The following RPRD2 variants were observed in gnomAD, a reference collection of about 807,000 sequenced individuals.
The protein encoded by RPRD2 is regulation of nuclear pre-mRNA domain containing 2, also known as regulation of nuclear pre-mRNA domain-containing protein 2.
A neutral mutation model predicts 104.4 loss-of-function variants in RPRD2; 12 were observed. That is an observed-to-expected ratio of 0.11 (90% CI 0.07 to 0.19). The LOEUF (loss-of-function observed/expected upper bound fraction) is 0.19. Among genes scored for constraint, RPRD2 ranks in the 10% least tolerant of loss-of-function variants. The probability of loss-of-function intolerance (pLI) is 1.00; values close to 1 mark genes in which losing one functional copy is unlikely to be tolerated. For synonymous variants in RPRD2, 714 were observed against 684.9 expected (o/e 1.04, Z -0.66); for missense variants, 1,543 against 1,790.1 (o/e 0.86, Z 2.49).
rs782727680 is a variant in RPRD2 at position 150,457,439 on chromosome 1, T to TTCC, written c.1022_1023insTCC (p.Met341delinsIlePro). 3.1e-6 allele frequency: 5 copies of TTCC among 1,613,872 alleles called. No homozygotes were observed. The South Asian group carries it at 5.5e-5, about 18-fold the overall frequency. On this transcript the variant is annotated protein_altering_variant, in exon 8 of 11. Transcript: ENST00000369068. ...GGTTCTGAGTCTCCTTTTCAGGGAA[T>TTCC]GGGAGGTGAGGAATCCCAGTCACCA...
At chr1:150,429,424 G>A (rs1183303230) in intron 2 of RPRD2, among the ~76,000 whole-genome samples, 5 of 151,858 alleles carry the variant, frequency 3.3e-5, no homozygotes, top group Non-Finnish European at 2.9e-5. Context: ...GCACGATCAC[G>A]GCTCACTGCA....
intron 7 of RPRD2, among the ~76,000 whole-genome samples, chr1:150,448,460 C>T (rs1553895972): frequency 6.6e-6 from 1 of 152,164 alleles, no homozygotes; most frequent in East Asian, 1.9e-4. Context: ...TCAGCCACCA[C>T]ACCCAGCCAA....
intron 10 of RPRD2, among the ~76,000 whole-genome samples, chr1:150,465,587 C>T (rs1017509679): frequency 6.6e-5 from 10 of 152,100 alleles, no homozygotes; most frequent in African/African-American, 2.4e-4. Context: ...TCTGTCTATT[C>T]AGTATGAGCC....
intron 2 of RPRD2, among the ~76,000 whole-genome samples, chr1:150,435,883 G>A (rs587660748): frequency 1.7e-4 from 26 of 152,274 alleles, no homozygotes; most frequent in African/African-American, 5.1e-4. Flanking sequence ...CTAGAAGGAA[G>A]TCAGTCCTTG....
chr1:150,426,885 G>A (rs587625065), intron 2 of RPRD2, among the ~76,000 whole-genome samples: 3 of 152,192 alleles, frequency 2.0e-5, no homozygotes, highest in African/African-American at 4.8e-5. Flanking sequence ...TATGGCTCGC[G>A]CCTGTAATCC....
At chr1:150,459,945 C>A in intron 8 of RPRD2, 115 bp from the exon 9 acceptor site, 589 of 796,966 alleles carry the variant, frequency 7.4e-4, no homozygotes, top group East Asian at 1.1e-3. Context: ...TCGTTGTTTT[C>A]TCTAAAGTAG....
intron 7 of RPRD2, among the ~76,000 whole-genome samples, chr1:150,452,750 A>C (rs1553896907): frequency 4.3e-5 from 6 of 140,498 alleles, no homozygotes; most frequent in Non-Finnish European, 9.0e-5. Flanking sequence ...GGCTCACTGC[A>C]ACCTCCGCCT....
rs775983652 is a variant in RPRD2 at position 150,472,785 on chromosome 1, TAGC to T, written c.3843_3845del (p.Ser1282del). 3.6e-5 allele frequency: 58 copies of T among 1,609,272 alleles called. No individual in the cohort carries two copies. In the African/African-American group the frequency reaches 3.7e-4, roughly 10 times the overall value. On this transcript the variant is annotated inframe_deletion, in exon 11 of 11. Coordinates refer to ENST00000369068, the MANE Select transcript of RPRD2 (RefSeq NM_015203.5). ...CTCCTCCTCCCCCTCCTGGGGAACA[TAGC>T]AGCAGTGGTGGGAGTGGTGTCCCCT...
In RPRD2 at chr1:150,397,976, C is replaced by T. The variant is rs369739215; in HGVS notation, c.206-19620C>T. Among the ~76,000 whole-genome samples, 97 of 151,860 alleles carry T rather than the reference C, an allele frequency of 6.4e-4. 2 individuals carry two copies. In the South Asian group the frequency reaches 0.019, roughly 30 times the overall value. ...GCAACACACAAACATTTCTTAACAG[C>T]ATCTTTAATTGTATTTATTTATTTA... On this transcript the variant is annotated intron_variant, in intron 1 of 10. Coordinates refer to ENST00000369068, the MANE Select transcript of RPRD2 (RefSeq NM_015203.5).
chr1:150,388,522 C>CACACACAT (rs368120543), intron 1 of RPRD2, among the ~76,000 whole-genome samples: 102 of 144,454 alleles, frequency 7.1e-4, no homozygotes, highest in Non-Finnish European at 6.3e-4. Flanking sequence ...CACACACACA[C>CACACACAT]ATATATACAC....
chr1:150,414,968 A>G (rs892358507), intron 1 of RPRD2, among the ~76,000 whole-genome samples: 2 of 152,206 alleles, frequency 1.3e-5, no homozygotes, highest in Non-Finnish European at 2.9e-5. Flanking sequence ...ACTTTAAGAT[A>G]GGAGAGACGT....
intron 10 of RPRD2, among the ~76,000 whole-genome samples, chr1:150,468,249 G>T (rs1668402616): frequency 6.6e-6 from 1 of 151,900 alleles, no homozygotes; most frequent in Admixed American, 6.6e-5. Context: ...TAACACTTTG[G>T]GAGGCCACGA....
At position 150,444,310 on chromosome 1, in the gene RPRD2, G is replaced by A; in HGVS notation, c.627G>A (p.Leu209=). 6.2e-7 allele frequency: 1 copy of A among 1,613,848 alleles called. No individual in the cohort carries two copies. Among genetic ancestry groups the A allele is most frequent in the Non-Finnish European group, 8.5e-7 (1 of 1,179,768 alleles). Residue 209 remains leucine (L), a synonymous_variant, in exon 6 of 11, where the codon CTG becomes CTA. Transcript: ENST00000369068. ...AGCGCTCAGAAGATCAGATAGAACTGAAGGAAAAGCAGTTGTCAACTATGA... is the reference window on the plus strand; with the variant it reads ...AGCGCTCAGAAGATCAGATAGAACTAAAGGAAAAGCAGTTGTCAACTATGA... ...LYKRSEDQIE[L]KEKQLSTMRV... is the part of the protein sequence containing the mutation.
intron 1 of RPRD2, among the ~76,000 whole-genome samples, chr1:150,373,702 T>C (rs1188325771): frequency 3.3e-5 from 5 of 152,014 alleles, no homozygotes; most frequent in Non-Finnish European, 7.4e-5. Context: ...TTTAAAGATA[T>C]AATTCACAAA....
chr1:150,414,446 A>G (rs906515731), intron 1 of RPRD2, among the ~76,000 whole-genome samples: 1 of 152,074 alleles, frequency 6.6e-6, no homozygotes, highest in Non-Finnish European at 1.5e-5. Flanking sequence ...ATCTTAAAAC[A>G]CTATGCTATG....
intron 1 of RPRD2, among the ~76,000 whole-genome samples, chr1:150,407,344 A>G (rs1663558205): frequency 6.6e-6 from 1 of 152,228 alleles, no homozygotes; most frequent in Non-Finnish European, 1.5e-5. Flanking sequence ...TAAACAAAGC[A>G]TCTCTGACTT....
chr1:150,408,157 G>GTTTT (rs1663627873), intron 1 of RPRD2, among the ~76,000 whole-genome samples: 4 of 119,604 alleles, frequency 3.3e-5, no homozygotes, highest in African/African-American at 7.3e-5. Flanking sequence ...ATATTCATAT[G>GTTTT]ATTTTTTTTT....
rs892279958 is a variant in RPRD2 at position 150,476,070 on chromosome 1, T to A, written c.*2736T>A. The A allele has an allele frequency of 1.3e-5, 2 of 152,020 alleles. No individual in the cohort carries two copies. Among genetic ancestry groups the A allele is most frequent in the Non-Finnish European group, 2.9e-5 (2 of 68,004 alleles). 9.4% of individuals were successfully genotyped at this position (152,020 alleles called of 1,614,324 possible). ...AGGGTCCTTAAGTATTTTGAAAGAG[T>A]TTACTCTTCAGTCAGCTTAGATGAG... On this transcript the variant is annotated 3_prime_UTR_variant, in exon 11 of 11. Transcript: ENST00000369068.
chr1:150,411,941 C>T (rs982567159), intron 1 of RPRD2, among the ~76,000 whole-genome samples: 12 of 151,498 alleles, frequency 7.9e-5, no homozygotes, highest in African/African-American at 2.2e-4. Flanking sequence ...GCGTGGCCAA[C>T]GTGGTAAACC....
Sources: gnomAD v4.1 joint callset for allele counts (sites outside exome capture counted in the v4.1 genomes callset) on GRCh38, gnomAD v4.1.1 for gene constraint, MANE v1.5 for transcripts, NCBI Gene and HGNC (gene_info 2026-07-23, HGNC 2026-07-21) for gene names.